Variants in BBX observed in about 807,000 individuals in gnomAD.
BBX encodes HMG box transcription factor BBX.
A neutral mutation model predicts 100.2 loss-of-function variants in BBX; 30 were observed. The ratio of observed to expected loss-of-function variants is 0.30; its 90% confidence interval spans 0.22 to 0.41. The LOEUF (loss-of-function observed/expected upper bound fraction) is 0.41, where lower values mean the gene tolerates loss of function less well. Ranked by LOEUF, BBX falls within the 10% of genes least tolerant of loss-of-function variation. BBX has a pLI of 1.00. For missense variants in BBX, 1,023 were observed against 1,129.8 expected (o/e 0.91, Z 1.35); for synonymous variants, 376 against 388.1 (o/e 0.97, Z 0.37).
chr3:107,671,048 T>G (rs2058996632), intron 3 of BBX, among the ~76,000 whole-genome samples: 1 of 152,042 alleles, frequency 6.6e-6, no homozygotes, highest in African/African-American at 2.4e-5. Flanking sequence ...ACATGTTAAA[T>G]GGATCCTTCC....
chr3:107,713,420 A>G (rs1296617524), intron 4 of BBX, among the ~76,000 whole-genome samples: 1 of 152,172 alleles, frequency 6.6e-6, no homozygotes, highest in Non-Finnish European at 1.5e-5. Context: ...AAAGTCACTC[A>G]TGGCTCTCCA....
intron 2 of BBX, among the ~76,000 whole-genome samples, chr3:107,568,024 A>G (rs2051051340): frequency 1.3e-5 from 2 of 151,946 alleles, no homozygotes; most frequent in South Asian, 4.2e-4. Flanking sequence ...ATTAAAAAAA[A>G]AAAAGGAAAA....
chr3:107,792,168 A>G (rs775793397), intron 15 of BBX, among the ~76,000 whole-genome samples: 28 of 152,330 alleles, frequency 1.8e-4, no homozygotes, highest in East Asian at 1.9e-4. Flanking sequence ...AATTTCTTCA[A>G]TGGTTAAGAG....
intron 10 of BBX, among the ~76,000 whole-genome samples, chr3:107,762,436 A>G (rs1168886628): frequency 1.3e-5 from 2 of 152,256 alleles, no homozygotes; most frequent in African/African-American, 4.8e-5. Flanking sequence ...GATAAATGGA[A>G]TTGAATTTTT....
rs578177530 is a variant in BBX at position 107,738,108 on chromosome 3, T to G, written c.669+5085T>G. ...TATTTTGCCTTGTAAGTTTGTAATA[T>G]CAATCTGTCACCTCCTCCAGGAAGT... On this transcript the variant is annotated intron_variant, in intron 7 of 17. Coordinates refer to ENST00000325805, the MANE Select transcript of BBX (RefSeq NM_001142568.3). Among the ~76,000 whole-genome samples the G allele has an allele frequency of 5.4e-4, 82 of 151,912 alleles. 2 individuals are homozygous for G. The South Asian group carries it at 9.5e-3, about 18-fold the overall frequency.
At chr3:107,786,068 A>G (rs2068390801) in intron 13 of BBX, among the ~76,000 whole-genome samples, 1 of 152,132 alleles carries the variant, frequency 6.6e-6, no homozygotes. Flanking sequence ...TAGGAACACA[A>G]TTCCATTTAC....
intron 3 of BBX, chr3:107,661,790 CCTGA>C (rs1249311653): frequency 6.6e-6 from 5 of 756,798 alleles, no homozygotes; most frequent in African/African-American, 3.8e-5. Flanking sequence ...CTGTGTTTCT[CCTGA>C]CTGTCTCTGG....
intron 2 of BBX, among the ~76,000 whole-genome samples, chr3:107,644,274 G>A (rs946933132): frequency 1.3e-5 from 2 of 152,076 alleles, no homozygotes; most frequent in Admixed American, 6.5e-5. Flanking sequence ...TTCTTAAAGA[G>A]AAAATCCTTA....
chr3:107,644,751 G>T (rs898998413), intron 2 of BBX, among the ~76,000 whole-genome samples: 46 of 152,160 alleles, frequency 3.0e-4, no homozygotes, highest in African/African-American at 1.1e-3. Context: ...TGAATGAGTA[G>T]TATCTTGCCT....
rs1385739102 is a variant in BBX, at chr3:107,779,009, A to G, written c.2203+490A>G. Among the ~76,000 whole-genome samples, 10 of 71,460 alleles carry G rather than the reference A, an allele frequency of 1.4e-4. 3 individuals carry two copies. Among genetic ancestry groups the G allele is most frequent in the African/African-American group, 4.3e-4 (10 of 23,120 alleles). The allele number at this position is 71,460 out of a possible 152,430, so 46.9% of individuals were successfully genotyped here. A position where few individuals can be genotyped will look rare whatever the true frequency, so the allele number is the denominator to read the frequency against. On this transcript the variant is annotated intron_variant, in intron 13 of 17. Transcript: ENST00000325805. Reference sequence around the variant, plus strand: ...CCTCCAGCAACATATATATATATATATATATATATATACACACACACACAC... The same window carrying G: ...CCTCCAGCAACATATATATATATATGTATATATATATACACACACACACAC...
chr3:107,718,806 C>CT (rs1373883000), intron 5 of BBX, among the ~76,000 whole-genome samples: 2 of 152,050 alleles, frequency 1.3e-5, no homozygotes, highest in East Asian at 1.9e-4. Flanking sequence ...CCAGTGCAGT[C>CT]TAAGTGTGGA....
intron 10 of BBX, among the ~76,000 whole-genome samples, chr3:107,769,717 C>G (rs780053416): frequency 2.6e-5 from 4 of 151,936 alleles, no homozygotes; most frequent in Non-Finnish European, 4.4e-5. Context: ...GATTTTTGCT[C>G]AATATTTTAA....
At chr3:107,525,104 C>T (rs2047659494) in intron 1 of BBX, among the ~76,000 whole-genome samples, 1 of 149,616 alleles carries the variant, frequency 6.7e-6, no homozygotes, top group Admixed American at 6.6e-5. Flanking sequence ...GCCACCTCTG[C>T]TCGCGCGACT....
intron 3 of BBX, among the ~76,000 whole-genome samples, chr3:107,696,698 G>T (rs549529798): frequency 6.6e-6 from 1 of 151,666 alleles, no homozygotes; most frequent in Non-Finnish European, 1.5e-5. Context: ...TTCTCGAGGA[G>T]TATCTTTGTG....
chr3:107,695,455 C>T (rs2060518713), intron 3 of BBX, among the ~76,000 whole-genome samples: 1 of 136,594 alleles, frequency 7.3e-6, no homozygotes, highest in Non-Finnish European at 1.5e-5. Flanking sequence ...CGTTATGTAC[C>T]CAGTAGTCAT....
intron 3 of BBX, among the ~76,000 whole-genome samples, chr3:107,699,381 C>T: frequency 6.6e-6 from 1 of 151,834 alleles, no homozygotes; most frequent in East Asian, 1.9e-4. Flanking sequence ...AGCAAAGAAA[C>T]ATCAGCTGTA....
At chr3:107,716,148 A>T (rs2062086735) in intron 4 of BBX, among the ~76,000 whole-genome samples, 2 of 152,198 alleles carry the variant, frequency 1.3e-5, no homozygotes, top group Non-Finnish European at 2.9e-5. Context: ...AGAGAAAGAC[A>T]AAGGTACTAT....
At chr3:107,525,058 G>A (rs1300426278) in intron 1 of BBX, among the ~76,000 whole-genome samples, 1 of 150,160 alleles carries the variant, frequency 6.7e-6, no homozygotes, top group Non-Finnish European at 1.5e-5. Context: ...GGCGGCGTGG[G>A]GGCCCCCACG....
chr3:107,663,355 C>CA (rs1247822662), intron 3 of BBX, among the ~76,000 whole-genome samples: 1 of 152,070 alleles, frequency 6.6e-6, no homozygotes, highest in Non-Finnish European at 1.5e-5. Context: ...CTACCCTACA[C>CA]AAAAATATTT....
Sources: allele counts gnomAD v4.1 joint callset (sites outside exome capture counted in the v4.1 genomes callset), GRCh38; gene constraint gnomAD v4.1.1; transcripts MANE v1.5; gene names NCBI Gene and HGNC (gene_info 2026-07-23, HGNC 2026-07-21).